Variants in LYZL1 observed in about 807,000 individuals in gnomAD.
LYZL1 encodes the protein lysozyme like 1, also known as lysozyme-like protein 1.
In LYZL1, 16 loss-of-function variants were observed where a neutral mutation model predicts 17.9. The ratio of observed to expected loss-of-function variants is 0.90; its 90% CI spans 0.61 to 1.36. The LOEUF (loss-of-function observed/expected upper bound fraction) is 1.36, where lower values mean the gene tolerates loss of function less well. Ranked by LOEUF, LYZL1 falls within the 40% of genes most tolerant of loss-of-function variation. LYZL1 has a pLI of 0.00. For synonymous variants in LYZL1, 58 were observed against 71.8 expected (o/e 0.81, Z 0.97); for missense variants, 149 against 188.4 (o/e 0.79, Z 1.22).
chr10:29,301,473 G>C (rs553580706), intron 3 of LYZL1, among the ~76,000 whole-genome samples: 36 of 152,248 alleles, frequency 2.4e-4, no homozygotes, highest in Non-Finnish European at 4.6e-4. Context: ...TTACAGCTGT[G>C]AGTAATCATG....
chr10:29,301,028 T>A (rs919509843), intron 3 of LYZL1, among the ~76,000 whole-genome samples: 1 of 152,110 alleles, frequency 6.6e-6, no homozygotes, highest in African/African-American at 2.4e-5. Flanking sequence ...GATATGGTTT[T>A]GCTGTGTCCC....
At chr10:29,311,560 C>T (rs752479654), downstream of LYZL1, among the ~76,000 whole-genome samples, 23 of 152,172 alleles carry the variant, frequency 1.5e-4, no homozygotes, top group Non-Finnish European at 3.1e-4. Context: ...ACGCAAGAGA[C>T]GCAGAGAGAT....
At chr10:29,297,254 G>C (rs1225635187) in intron 3 of LYZL1, among the ~76,000 whole-genome samples, 1 of 152,038 alleles carries the variant, frequency 6.6e-6, no homozygotes, top group Non-Finnish European at 1.5e-5. Context: ...TGAAAAATAG[G>C]AGAAATAAGA....
chr10:29,312,233 CT>C (rs1247821186), downstream of LYZL1, among the ~76,000 whole-genome samples: 4 of 152,188 alleles, frequency 2.6e-5, no homozygotes, highest in Admixed American at 6.5e-5. Flanking sequence ...GCTCTTACCC[CT>C]GACATCAAGA....
At chr10:29,306,839 TGAGA>T (rs146929957) in intron 3 of LYZL1, among the ~76,000 whole-genome samples, 16,518 of 138,852 alleles carry the variant, frequency 0.12, 834 homozygotes, top group Middle Eastern at 0.18. Flanking sequence ...TGAAAGAGAT[TGAGA>T]GAGAGAGAGA....
chr10:29,306,549 C>CAAA lies in LYZL1; in HGVS notation c.299-3537_299-3535dup, dbSNP rs58001118. On this transcript the variant is annotated intron_variant, in intron 3 of 4. Transcript: ENST00000649382. ...TGGGCGACAGAGCGAGACTCCGTCT[C>CAAA]AAAAAAAAAAAAAAAAAAAAAAAAA... Among the ~76,000 whole-genome samples the CAAA allele has an allele frequency of 5.5e-4, 27 of 48,792 alleles. 1 individual carries two copies. The highest frequency in any genetic ancestry group is 1.3e-3 in the African/African-American group (14 of 10,590). The allele number at this position is 48,792 out of a possible 152,430, so 32.0% of individuals were successfully genotyped here. A position where few individuals can be genotyped will look rare whatever the true frequency, so the allele number is the denominator to read the frequency against.
chr10:29,292,450 G>C (rs1283164309), intron 2 of LYZL1, 69 bp from the exon 3 acceptor site: 1 of 1,575,254 alleles, frequency 6.3e-7, no homozygotes, highest in Admixed American at 1.8e-5. Flanking sequence ...AAGGAAACTC[G>C]CCCTCAGACC....
At chr10:29,317,616 A>C (rs942433667) in intron 4 of LYZL1, among the ~76,000 whole-genome samples, 1 of 151,838 alleles carries the variant, frequency 6.6e-6, no homozygotes, top group Non-Finnish European at 1.5e-5. Flanking sequence ...GCTAAGCCCA[A>C]CTCCTCTGTG....
At chr10:29,306,247 A>T (rs1337455128) in intron 3 of LYZL1, among the ~76,000 whole-genome samples, 2 of 152,188 alleles carry the variant, frequency 1.3e-5, no homozygotes, top group Non-Finnish European at 2.9e-5. Context: ...TCTGAAATGT[A>T]GCTAGAAAAA....
chr10:29,290,501 G>A (rs1265414381), intron 1 of LYZL1, among the ~76,000 whole-genome samples: 1 of 152,194 alleles, frequency 6.6e-6, no homozygotes, highest in Non-Finnish European at 1.5e-5. Flanking sequence ...CGGAGCACTG[G>A]TGGTGAAGCT....
intron 3 of LYZL1, among the ~76,000 whole-genome samples, chr10:29,296,388 T>G (rs891791321): frequency 2.6e-5 from 4 of 152,124 alleles, no homozygotes; most frequent in Non-Finnish European, 4.4e-5. Flanking sequence ...ATCAGTAGCA[T>G]TAGCTACTTC....
intron 1 of LYZL1, among the ~76,000 whole-genome samples, chr10:29,291,110 A>C (rs1443011615): frequency 6.6e-6 from 1 of 152,176 alleles, no homozygotes; most frequent in Non-Finnish European, 1.5e-5. Flanking sequence ...ATCTGCATGT[A>C]ACTTTTGACT....
Position 29,292,501 on chromosome 10 carries a change from T to G in LYZL1, c.140-18T>G. 1 of 1,610,922 alleles carries G rather than the reference T, an allele frequency of 6.2e-7. No individual in the cohort carries two copies. Among genetic ancestry groups the G allele is most frequent in the Non-Finnish European group, 8.5e-7 (1 of 1,178,652 alleles). On this transcript the variant is annotated intron_variant, in intron 2 of 4. Coordinates refer to ENST00000649382, the MANE Select transcript of LYZL1 (RefSeq NM_032517.6). Reference sequence around the variant, plus strand: ...GATGCACTTCCTTTGCTGGCGTTTCTGGCTTTCCCCCCTCCAGGGATCTGC... The same window carrying G: ...GATGCACTTCCTTTGCTGGCGTTTCGGGCTTTCCCCCCTCCAGGGATCTGC...
intron 3 of LYZL1, among the ~76,000 whole-genome samples, chr10:29,297,355 C>G (rs74843891): frequency 0.045 from 6,923 of 152,196 alleles, 160 homozygotes; most frequent in Middle Eastern, 0.12. Flanking sequence ...ATTTCCAGAA[C>G]TAAAGAGCAT....
chr10:29,297,408 G>C (rs1280176938), intron 3 of LYZL1, among the ~76,000 whole-genome samples: 2 of 152,182 alleles, frequency 1.3e-5, no homozygotes, highest in Non-Finnish European at 2.9e-5. Flanking sequence ...CGGTACAGCA[G>C]TCACTCCTTG....
At chr10:29,293,421 C>T (rs369521706) in intron 3 of LYZL1, among the ~76,000 whole-genome samples, 2 of 151,942 alleles carry the variant, frequency 1.3e-5, no homozygotes, top group African/African-American at 4.8e-5. Context: ...TTGGTGTGGG[C>T]CAGTATATTT....
intron 1 of LYZL1, among the ~76,000 whole-genome samples, chr10:29,290,012 A>G (rs1043766503): frequency 4.6e-5 from 7 of 152,164 alleles, no homozygotes; most frequent in African/African-American, 1.7e-4. Flanking sequence ...CCCTCATGCA[A>G]TGCAGTTCCT....
At chr10:29,299,972 A>G in intron 3 of LYZL1, among the ~76,000 whole-genome samples, 1 of 152,200 alleles carries the variant, frequency 6.6e-6, no homozygotes, top group Non-Finnish European at 1.5e-5. Flanking sequence ...TTTTCAGGTC[A>G]TATGGTTTTG....
In LYZL1 at chr10:29,306,839, TGAGAGAGAGAGAGAGA is replaced by T. The variant is rs146929957; in HGVS notation, c.299-3258_299-3243del. ...GTGTGTGTGTGTGTGTGAAAGAGAT[TGAGAGAGAGAGAGAGA>T]GAGAGAGAGAGAAGAACACTTAAGA... is the stretch of plus-strand genomic sequence containing the variant. On this transcript the variant is annotated intron_variant, in intron 3 of 4. Coordinates refer to ENST00000649382, the MANE Select transcript of LYZL1 (RefSeq NM_032517.6). Among the ~76,000 whole-genome samples, 597 of 139,072 alleles carry T rather than the reference TGAGAGAGAGAGAGAGA, an allele frequency of 4.3e-3. 4 individuals carry two copies. Among genetic ancestry groups the T allele is most frequent in the African/African-American group, 0.015 (548 of 37,186 alleles). 91.2% of individuals were successfully genotyped at this position (139,072 alleles called of 152,430 possible).
Sources: gnomAD v4.1 joint callset for allele counts (sites outside exome capture counted in the v4.1 genomes callset) on GRCh38, gnomAD v4.1.1 for gene constraint, MANE v1.5 for transcripts, NCBI Gene and HGNC (gene_info 2026-07-23, HGNC 2026-07-21) for gene names.